MAK: variants seen among roughly 807,000 people sequenced by gnomAD.
MAK encodes the protein male germ cell associated kinase, also known as serine/threonine-protein kinase MAK.
MAK carries 65 observed loss-of-function variants against 82.6 expected under a neutral mutation model. That is an observed-to-expected ratio of 0.79 (90% CI 0.64 to 0.97). The LOEUF (loss-of-function observed/expected upper bound fraction) is 0.97. MAK is among the 50% of genes least tolerant of loss of function. MAK has a pLI of 0.00. For synonymous variants in MAK, 250 were observed against 274.2 expected, an observed-to-expected ratio of 0.91 and a Z score of 0.87; for missense variants, 703 against 780.2, an observed-to-expected ratio of 0.90 and a Z score of 1.18.
At chr6:10,819,539 G>A (rs1446253265) in intron 2 of MAK, among the ~76,000 whole-genome samples, 2 of 152,134 alleles carry the variant, frequency 1.3e-5, no homozygotes, top group Admixed American at 6.5e-5. Context: ...GGCTGAGGCA[G>A]GAGAATCACT....
At chr6:10,822,554 C>T (rs1480936245) in intron 2 of MAK, among the ~76,000 whole-genome samples, 1 of 152,228 alleles carries the variant, frequency 6.6e-6, no homozygotes, top group Non-Finnish European at 1.5e-5. Context: ...TACTTCCCTT[C>T]CCTAAGGCAA....
intron 5 of MAK, among the ~76,000 whole-genome samples, chr6:10,813,120 ATATATATATATATAAATTTTTTT>A (rs1777138611): frequency 3.1e-3 from 5 of 1,590 alleles, no homozygotes; most frequent in African/African-American, 0.011. Flanking sequence ...ATATATATAT[ATATATATATATATAAATTTTTTT>A]TTTTTTTTTT....
intron 1 of MAK, among the ~76,000 whole-genome samples, chr6:10,836,448 T>A (rs980326815): frequency 2.0e-5 from 3 of 152,194 alleles, no homozygotes; most frequent in African/African-American, 2.4e-5. Flanking sequence ...GACATAGACA[T>A]CAAGGTAAAG....
chr6:10,823,488 C>A (rs1306465802), intron 2 of MAK, among the ~76,000 whole-genome samples: 9 of 152,102 alleles, frequency 5.9e-5, no homozygotes, highest in Non-Finnish European at 1.0e-4. Flanking sequence ...GAATAGGCAG[C>A]TCTTCTTCAG....
chr6:10,819,870 T>G (rs1777789636), intron 2 of MAK, among the ~76,000 whole-genome samples: 1 of 152,072 alleles, frequency 6.6e-6, no homozygotes. Flanking sequence ...CCCAGCACTT[T>G]GGGAGGCGGA....
In MAK at chr6:10,829,283, C is replaced by T. The variant is rs756414572; in HGVS notation, c.101+1265G>A. ...AAAAACAAACAAATTAACAACAATT[C>T]TATTTCATAAGTTCAGGAATATAAC... is the stretch of plus-strand genomic sequence containing the variant. On this transcript the variant is annotated intron_variant, in intron 2 of 14. Transcript: ENST00000354489. The T allele has an allele frequency of 8.5e-5, 13 of 152,214 alleles. 1 individual carries two copies. Among genetic ancestry groups the T allele is most frequent in the Non-Finnish European group, 1.8e-4 (12 of 68,038 alleles). The allele number at this position is 152,214 out of a possible 1,614,324, so 9.4% of individuals were successfully genotyped here.
chr6:10,810,107 AAAAAAAAAG>A (rs1453017775), intron 5 of MAK, among the ~76,000 whole-genome samples: 4 of 139,124 alleles, frequency 2.9e-5, no homozygotes, highest in African/African-American at 8.4e-5. Context: ...CAAAAAAAAA[AAAAAAAAAG>A]AAAGAAAAGA....
chr6:10,817,183 T>C (rs1022579905), intron 4 of MAK, among the ~76,000 whole-genome samples: 1 of 151,650 alleles, frequency 6.6e-6, no homozygotes, highest in African/African-American at 2.4e-5. Context: ...ACATCATTAC[T>C]TCGGAAAATT....
chr6:10,764,964 C>T (rs190024324), intron 14 of MAK, among the ~76,000 whole-genome samples: 90 of 151,964 alleles, frequency 5.9e-4, no homozygotes, highest in Admixed American at 4.6e-3. Context: ...AGCGTGGTGG[C>T]GGGTGACTGT....
chr6:10,780,228 T>C (rs1199968635), intron 11 of MAK: 2 of 978,862 alleles, frequency 2.0e-6, no homozygotes, highest in East Asian at 2.3e-4. Flanking sequence ...ATAGCCATCC[T>C]TCTGATCCCA....
intron 5 of MAK, among the ~76,000 whole-genome samples, chr6:10,812,689 A>T (rs1247038987): frequency 1.3e-5 from 2 of 152,006 alleles, no homozygotes; most frequent in Non-Finnish European, 2.9e-5. Context: ...ATGATGACTG[A>T]GACTAAAGGC....
At position 10,828,307 on chromosome 6, in the gene MAK, C is replaced by T. The variant is rs1337306229; in HGVS notation, c.101+2241G>A. On this transcript the variant is annotated intron_variant, in intron 2 of 14. Transcript: ENST00000354489. ...GACTGGTTCTGGTGGAAGTCAACTG[C>T]CATGTCCCGAGGCTATTCAAACAAC... 2.0e-5 allele frequency among the ~76,000 whole-genome samples: 3 copies of T among 152,092 alleles called. No homozygotes were observed. The East Asian group carries it at 5.8e-4, about 29-fold the overall frequency.
In MAK at chr6:10,793,389, T is replaced by C. The variant is rs1007776187; in HGVS notation, c.1144-1542A>G. On this transcript the variant is annotated intron_variant, in intron 9 of 14. Transcript: ENST00000354489. This position sits in a 1 kb window ranked among gnomAD's most constrained non-coding sequence, Gnocchi z 4.6. ...GATCTCACGGTCGTTCTATTCATCATGAAGATTCAGGAGCAAAACAGACAA... is the reference window on the plus strand; with the variant it reads ...GATCTCACGGTCGTTCTATTCATCACGAAGATTCAGGAGCAAAACAGACAA... Among the ~76,000 whole-genome samples the C allele has an allele frequency of 1.2e-4, 18 of 152,164 alleles. No individual in the cohort carries two copies. The highest frequency in any genetic ancestry group is 3.9e-4 in the African/African-American group (16 of 41,450).
At position 10,800,899 on chromosome 6, in the gene MAK, A is replaced by T. The variant is rs547507035; in HGVS notation, c.831+993T>A. 2.6e-4 allele frequency among the ~76,000 whole-genome samples: 40 copies of T among 152,150 alleles called. No homozygotes were observed. The highest frequency in any genetic ancestry group is 9.6e-4 in the African/African-American group (40 of 41,482). Reference sequence around the variant, plus strand: ...TTGTAAAGTATGGTGAGCAGTAAGGACCTCAATTTATTTTTTTCCCTAAGA... The same window carrying T: ...TTGTAAAGTATGGTGAGCAGTAAGGTCCTCAATTTATTTTTTTCCCTAAGA... On this transcript the variant is annotated intron_variant, in intron 8 of 14. Coordinates refer to ENST00000354489, the MANE Select transcript of MAK (RefSeq NM_001242957.3). This position sits in a 1 kb window ranked among gnomAD's most constrained non-coding sequence, Gnocchi z 4.2.
intron 5 of MAK, among the ~76,000 whole-genome samples, chr6:10,810,474 G>GTATTAC (rs1252408111): frequency 4.0e-5 from 6 of 151,376 alleles, no homozygotes; most frequent in African/African-American, 1.5e-4. Context: ...GGAATAGCTG[G>GTATTAC]GATTACAGGC....
At chr6:10,767,790 CAAAAAAAA>C (rs35961098) in intron 14 of MAK, among the ~76,000 whole-genome samples, 1 of 139,336 alleles carries the variant, frequency 7.2e-6, no homozygotes, top group Non-Finnish European at 1.6e-5. Context: ...GACTTTGTCT[CAAAAAAAA>C]AAAAAAAAAA....
Position 10,764,367 on chromosome 6 carries a change from A to G in MAK, c.*85T>C. 5 of 1,434,326 alleles carry G rather than the reference A, an allele frequency of 3.5e-6. No individual in the cohort carries two copies. The highest frequency in any genetic ancestry group is 4.8e-6 in the Non-Finnish European group (5 of 1,033,944). 88.8% of individuals were successfully genotyped at this position (1,434,326 alleles called of 1,614,324 possible). On this transcript the variant is annotated 3_prime_UTR_variant, in exon 15 of 15. Coordinates refer to ENST00000354489, the MANE Select transcript of MAK (RefSeq NM_001242957.3). ...ATATTTCTTCCAGAACTCAGTAGAA[A>G]TAGACATTTGTAGACATTTCCCAGG... is the stretch of plus-strand genomic sequence containing the variant.
At chr6:10,813,842 T>C (rs1270127434) in intron 4 of MAK, 119 bp from the exon 5 acceptor site, 7 of 733,388 alleles carry the variant, frequency 9.5e-6, no homozygotes, top group Non-Finnish European at 1.0e-5. Context: ...GTTAAACCTA[T>C]GATTTATAGA....
Position 10,763,948 on chromosome 6 carries a change from G to A in MAK, c.*504C>T, listed in dbSNP as rs1177972986. The A allele has an allele frequency of 6.6e-6, 1 of 152,442 alleles. No homozygotes were observed. Among genetic ancestry groups the A allele is most frequent in the Non-Finnish European group, 1.5e-5 (1 of 68,508 alleles). The allele number at this position is 152,442 out of a possible 1,614,324, so 9.4% of individuals were successfully genotyped here. On this transcript the variant is annotated 3_prime_UTR_variant, in exon 15 of 15. Transcript: ENST00000354489. The stretch of plus-strand genomic sequence containing the variant: ...AAATAATTGCAATCTTTCTGTCATT[G>A]ACAAAATGGCAGCGCAGAGCCTTAG...
Sources: allele counts gnomAD v4.1 joint callset (sites outside exome capture counted in the v4.1 genomes callset), GRCh38; gene constraint gnomAD v4.1.1; non-coding constraint Gnocchi (gnomAD v3.1); transcripts MANE v1.5; gene names NCBI Gene and HGNC (gene_info 2026-07-23, HGNC 2026-07-21).